Variants in EHMT1 observed in about 807,000 individuals in gnomAD.
EHMT1 encodes the protein euchromatic histone lysine methyltransferase 1.
Under a neutral mutation model 147.2 loss-of-function variants are expected in EHMT1, and 15 were observed. The ratio of observed to expected loss-of-function variants is 0.10; its 90% CI spans 0.07 to 0.16. The LOEUF is 0.16. Among genes scored for constraint, EHMT1 ranks in the 10% least tolerant of loss-of-function variants. The probability of loss-of-function intolerance (pLI) is 1.00; values close to 1 mark genes in which losing one functional copy is unlikely to be tolerated. For missense variants in EHMT1, 1,587 were observed against 1,772.4 expected (o/e 0.90, Z 1.88); for synonymous variants, 795 against 709.6 (o/e 1.12, Z -1.91).
Position 137,782,472 on chromosome 9 carries a change from G to T in EHMT1, c.2382+75G>T, listed in dbSNP as rs533019000. The T allele has an allele frequency of 7.2e-7, 1 of 1,381,038 alleles. No individual in the cohort carries two copies. The highest frequency in any genetic ancestry group is 9.9e-7 in the Non-Finnish European group (1 of 1,008,030). The allele number at this position is 1,381,038 out of a possible 1,614,324, so 85.5% of individuals were successfully genotyped here. ...TTTTACCAAAGTAAAATCATACCACGTTCGCGGTTCTTCCAGTGTAAGAGT... is the reference window on the plus strand; with the variant it reads ...TTTTACCAAAGTAAAATCATACCACTTTCGCGGTTCTTCCAGTGTAAGAGT... On this transcript the variant is annotated intron_variant, in intron 15 of 26. Coordinates refer to ENST00000460843, the MANE Select transcript of EHMT1 (RefSeq NM_024757.5). This position sits in a 1 kb window ranked among gnomAD's most constrained non-coding sequence, Gnocchi z 5.7.
At chr9:137,797,448 T>G (rs979805343) in intron 16 of EHMT1, among the ~76,000 whole-genome samples, 2 of 152,130 alleles carry the variant, frequency 1.3e-5, no homozygotes, top group African/African-American at 4.8e-5. Flanking sequence ...CTCACCTGCT[T>G]GATTCAGAAG....
Position 137,813,636 on chromosome 9 carries a change from A to C in EHMT1, c.3180+106A>C, listed in dbSNP as rs73669183. 6.7e-7 allele frequency: 1 copy of C among 1,497,006 alleles called. No homozygotes were observed. Among genetic ancestry groups the C allele is most frequent in the East Asian group, 2.3e-5 (1 of 42,716 alleles). 92.7% of individuals were successfully genotyped at this position (1,497,006 alleles called of 1,614,324 possible). A position where few individuals can be genotyped will look rare whatever the true frequency, so the allele number is the denominator to read the frequency against. On this transcript the variant is annotated intron_variant, in intron 21 of 26. Transcript: ENST00000460843. This position sits in a 1 kb window ranked among gnomAD's most constrained non-coding sequence, Gnocchi z 4.9. ...CTCACCACTCAGAGCAGGAGGGCTT[A>C]TGGGGGGCTTCCCAGGAAGACCTCA...
Position 137,732,667 on chromosome 9 carries a change from G to A in EHMT1, c.823+4138G>A, listed in dbSNP as rs1003762062. Among the ~76,000 whole-genome samples the A allele has an allele frequency of 6.6e-6, 1 of 152,220 alleles. No homozygotes were observed. The highest frequency in any genetic ancestry group is 2.4e-5 in the African/African-American group (1 of 41,456). ...CACTCCAGGTTGTGGATTCTGCCGG[G>A]AACTGGCAGCCCGGTTTTCAGGCTT... On this transcript the variant is annotated intron_variant, in intron 4 of 26. Transcript: ENST00000460843. This position sits in a 1 kb window ranked among gnomAD's most constrained non-coding sequence, Gnocchi z 4.6.
At chr9:137,635,713 G>T (rs955096432) in intron 1 of EHMT1, among the ~76,000 whole-genome samples, 74 of 150,940 alleles carry the variant, frequency 4.9e-4, no homozygotes, top group African/African-American at 1.6e-3. Flanking sequence ...CCAGCTACTC[G>T]GGAGGCTGAG....
intron 10 of EHMT1, among the ~76,000 whole-genome samples, chr9:137,770,444 A>C (rs1424984891): frequency 6.6e-6 from 1 of 152,162 alleles, no homozygotes; most frequent in Non-Finnish European, 1.5e-5. Context: ...GCTTCTGTTG[A>C]TGTTTCTCTC....
chr9:137,619,082 G>C (rs1385506064), intron 1 of EHMT1, 33 bp downstream of exon 1: 5 of 779,956 alleles, frequency 6.4e-6, no homozygotes, highest in Admixed American at 6.5e-5. Context: ...GGCGGCGCGG[G>C]GGCGGCGGGC....
chr9:137,674,074 A>G (rs1458414782), intron 1 of EHMT1, among the ~76,000 whole-genome samples: 1 of 152,198 alleles, frequency 6.6e-6, no homozygotes, highest in African/African-American at 2.4e-5. Flanking sequence ...CGGTTAGTGG[A>G]GAGAGGCAGT....
intron 4 of EHMT1, among the ~76,000 whole-genome samples, chr9:137,729,753 G>A (rs1471375768): frequency 1.3e-5 from 2 of 151,708 alleles, no homozygotes; most frequent in Non-Finnish European, 2.9e-5. Context: ...AATGTAAGTT[G>A]TAAACATTGT....
chr9:137,641,425 C>T (rs1844475347), intron 1 of EHMT1: 11 of 532,294 alleles, frequency 2.1e-5, no homozygotes, highest in South Asian at 1.6e-4. Context: ...GTCACTTCAG[C>T]ACTGGTCAAA....
chr9:137,625,980 C>G (rs544390739), intron 1 of EHMT1, among the ~76,000 whole-genome samples: 3 of 150,008 alleles, frequency 2.0e-5, no homozygotes, highest in Non-Finnish European at 4.4e-5. Flanking sequence ...CTCAGCCTCT[C>G]GAGTAGCTGG....
At chr9:137,803,494 C>T (rs541540782) in intron 18 of EHMT1, 25 of 176,828 alleles carry the variant, frequency 1.4e-4, no homozygotes, top group Admixed American at 3.9e-4. Flanking sequence ...CCGAGATCCC[C>T]ATTTTCGTTG....
intron 13 of EHMT1, 86 bp from the exon 14 acceptor site, chr9:137,779,549 G>T: frequency 7.0e-7 from 1 of 1,420,720 alleles, no homozygotes; most frequent in Non-Finnish European, 9.8e-7. Flanking sequence ...GGGCTGGTGG[G>T]GAGATGTCCG....
At chr9:137,710,739 A>G (rs1467670258) in intron 1 of EHMT1, among the ~76,000 whole-genome samples, 1 of 152,182 alleles carries the variant, frequency 6.6e-6, no homozygotes, top group Admixed American at 6.5e-5. Context: ...ATTGTTAAGA[A>G]ACTGTCTTCA....
intron 1 of EHMT1, among the ~76,000 whole-genome samples, chr9:137,648,945 G>A (rs972577906): frequency 6.6e-6 from 1 of 152,144 alleles, no homozygotes; most frequent in African/African-American, 2.4e-5. Flanking sequence ...GGTCTTCCTA[G>A]TTTTTCTGCT....
rs1402423340 is a variant in EHMT1 at position 137,793,267 on chromosome 9, GA to G, written c.2505+2300del. Among the ~76,000 whole-genome samples the G allele has an allele frequency of 5.3e-5, 8 of 152,328 alleles. No individual in the cohort carries two copies. In the East Asian group the frequency reaches 1.5e-3, roughly 29 times the overall value. On this transcript the variant is annotated intron_variant, in intron 16 of 26. Transcript: ENST00000460843. ...ACAGAAAATTAAACCACCCAATTCA[GA>G]AATGGGCAAAGAAGGGGCTTGAGTA...
At chr9:137,646,252 G>C in intron 1 of EHMT1, 4 of 758,506 alleles carry the variant, frequency 5.3e-6, no homozygotes, top group Non-Finnish European at 6.4e-6. Flanking sequence ...GAGCCACTGT[G>C]CCTGGCCTAT....
chr9:137,801,094 G>C (rs552220716), intron 18 of EHMT1, 110 bp downstream of exon 18: 3 of 933,976 alleles, frequency 3.2e-6, no homozygotes, highest in African/African-American at 3.3e-5. Flanking sequence ...TGGCGGCTTT[G>C]ACCTCTTCCT....
intron 18 of EHMT1, among the ~76,000 whole-genome samples, chr9:137,806,253 G>A (rs1184199801): frequency 6.6e-6 from 1 of 152,080 alleles, no homozygotes; most frequent in Non-Finnish European, 1.5e-5. Context: ...GAGCCACCAC[G>A]CCCAGCCGAG....
Position 137,752,340 on chromosome 9 carries a change from G to A in EHMT1, c.1180G>A (p.Glu394Lys). Residue 394 changes from glutamate (E) to lysine (K), a missense_variant, in exon 7 of 27, where the codon GAG (glutamate) becomes AAG (lysine). Physicochemically the swap from Glu to Lys is moderately conservative, Grantham distance 56. Coordinates refer to ENST00000460843, the MANE Select transcript of EHMT1 (RefSeq NM_024757.5). The stretch of plus-strand genomic sequence containing the variant: ...CTGTGTGGCTGATCAGATGGACGGG[G>A]AGTCCGAGGAGGAGCAGGAGTCCGT... The part of the protein sequence containing the change: ...EADRAQKMDG[E>K]SEEEQESVDT... 1 of 1,614,204 alleles carries A rather than the reference G, an allele frequency of 6.2e-7. No individual in the cohort carries two copies. The highest frequency in any genetic ancestry group is 8.5e-7 in the Non-Finnish European group (1 of 1,180,030).
Sources: gnomAD v4.1 joint callset for allele counts (sites outside exome capture counted in the v4.1 genomes callset) on GRCh38, gnomAD v4.1.1 for gene constraint, Gnocchi (gnomAD v3.1) non-coding constraint, MANE v1.5 for transcripts, NCBI Gene and HGNC (gene_info 2026-07-23, HGNC 2026-07-21) for gene names.